The following IL26 variants were observed in gnomAD, a reference collection of about 807,000 sequenced individuals.
The protein encoded by IL26 is interleukin-26.
Under a neutral mutation model 21.7 loss-of-function variants are expected in IL26, and 23 were observed. The observed-to-expected ratio is 1.06, with a 90% CI of 0.76 to 1.50. The LOEUF (loss-of-function observed/expected upper bound fraction) is 1.50. Among genes scored for constraint, IL26 ranks in the 40% most tolerant of loss-of-function variants. The pLI is 0.00. For synonymous variants in IL26, 63 were observed against 67.8 expected, an observed-to-expected ratio of 0.93 and a Z score of 0.34; for missense variants, 204 against 196.0, an observed-to-expected ratio of 1.04 and a Z score of -0.24.
In IL26 at chr12:68,225,241, C is replaced by T. The variant is rs1256775753; in HGVS notation, c.271G>A (p.Glu91Lys). 1.2e-6 allele frequency: 2 copies of T among 1,613,620 alleles called. No homozygotes were observed. The highest frequency in any genetic ancestry group is 1.7e-6 in the Non-Finnish European group (2 of 1,179,810). Residue 91 changes from glutamate (E) to lysine (K), a missense_variant, in exon 3 of 5, where the codon GAA (glutamate) becomes AAA (lysine). By Grantham distance (56) the Glu-to-Lys change is moderately conservative (BLOSUM62 1). Coordinates refer to ENST00000229134, the MANE Select transcript of IL26 (RefSeq NM_018402.2). ...AATTGCAGTTGACCAAAAACGTCTT[C>T]CATGAAGAAGGACAGAAGCTGTTCT... Reference protein sequence around the residue: ...FQEQLLSFFMEDVFGQLQLQG... With the variant: ...FQEQLLSFFMKDVFGQLQLQG...
chr12:68,211,986 T>G (rs1233044995), intron 3 of IL26, among the ~76,000 whole-genome samples: 2 of 152,180 alleles, frequency 1.3e-5, no homozygotes, highest in Non-Finnish European at 2.9e-5. Flanking sequence ...TTCCTCAAGT[T>G]TTCTTCCAAT....
At chr12:68,216,637 T>C (rs1868892656) in intron 3 of IL26, among the ~76,000 whole-genome samples, 1 of 152,240 alleles carries the variant, frequency 6.6e-6, no homozygotes, top group Admixed American at 6.5e-5. Flanking sequence ...ATTTTTACAA[T>C]TTTAAATTAC....
Position 68,225,762 on chromosome 12 carries a change from TTCACCCCAC to T in IL26, c.-15_-7del. 1 of 1,613,414 alleles carries T rather than the reference TTCACCCCAC, an allele frequency of 6.2e-7. No homozygotes were observed. The highest frequency in any genetic ancestry group is 8.5e-7 in the Non-Finnish European group (1 of 1,179,562). ...AAAATGAAATTCACCAGCATTTCCC[TTCACCCCAC>T]TCAGCGTGTGTCACTCACAGCAGCC... On this transcript the variant is annotated 5_prime_UTR_variant, in exon 1 of 5. Coordinates refer to ENST00000229134, the MANE Select transcript of IL26 (RefSeq NM_018402.2).
At position 68,201,600 on chromosome 12, in the gene IL26, T is replaced by C. The variant is rs1372962159; in HGVS notation, c.*245A>G. On this transcript the variant is annotated 3_prime_UTR_variant, in exon 5 of 5. Coordinates refer to ENST00000229134, the MANE Select transcript of IL26 (RefSeq NM_018402.2). ...TTTAAATTAAGTTGACACAATGTAC[T>C]TGTGAATGACAAAACATGTTCAGAA... 2 of 357,882 alleles carry C rather than the reference T, an allele frequency of 5.6e-6. No homozygotes were observed. The highest frequency in any genetic ancestry group is 4.2e-5 in the African/African-American group (2 of 47,146). The allele number at this position is 357,882 out of a possible 1,614,324, so 22.2% of individuals were successfully genotyped here.
chr12:68,223,573 G>A (rs1189951622), intron 3 of IL26, among the ~76,000 whole-genome samples: 3 of 152,166 alleles, frequency 2.0e-5, no homozygotes, highest in Admixed American at 6.5e-5. Context: ...GTTCTGACCA[G>A]ACACTCTGTA....
chr12:68,224,266 C>T, intron 3 of IL26, among the ~76,000 whole-genome samples: 1 of 151,600 alleles, frequency 6.6e-6, no homozygotes, highest in Non-Finnish European at 1.5e-5. Flanking sequence ...ACTAACATTG[C>T]ACAGATTCTG....
intron 3 of IL26, among the ~76,000 whole-genome samples, chr12:68,210,881 T>C (rs1186472611): frequency 6.6e-6 from 1 of 152,216 alleles, no homozygotes; most frequent in East Asian, 1.9e-4. Context: ...TCAGAATTAG[T>C]TCACACAATT....
intron 3 of IL26, among the ~76,000 whole-genome samples, chr12:68,215,418 T>C (rs1273407438): frequency 6.6e-6 from 1 of 152,186 alleles, no homozygotes; most frequent in East Asian, 1.9e-4. Flanking sequence ...GGAACTGTCT[T>C]ATCCTCATAT....
chr12:68,202,496 T>C (rs1354706998), intron 3 of IL26, among the ~76,000 whole-genome samples: 1 of 152,172 alleles, frequency 6.6e-6, no homozygotes, highest in Admixed American at 6.5e-5. Flanking sequence ...CAGTTCTGCA[T>C]GGCTAGAGAG....
intron 3 of IL26, among the ~76,000 whole-genome samples, chr12:68,208,102 C>T (rs1868595019): frequency 6.6e-6 from 1 of 152,120 alleles, no homozygotes; most frequent in Admixed American, 6.5e-5. Context: ...CTTGAGGCCT[C>T]ACAGTCTGCC....
intron 3 of IL26, among the ~76,000 whole-genome samples, chr12:68,215,853 T>C (rs1868860667): frequency 6.6e-6 from 1 of 151,754 alleles, no homozygotes; most frequent in African/African-American, 2.4e-5. Context: ...TTTATTTTTA[T>C]TTTTGTTTTT....
intron 3 of IL26, among the ~76,000 whole-genome samples, chr12:68,205,595 G>A (rs1162123321): frequency 6.6e-6 from 1 of 152,176 alleles, no homozygotes; most frequent in Non-Finnish European, 1.5e-5. Flanking sequence ...AGGAAGTGGA[G>A]GAGTTGGTCT....
intron 3 of IL26, among the ~76,000 whole-genome samples, chr12:68,210,497 T>C (rs1329536586): frequency 1.3e-5 from 2 of 151,932 alleles, no homozygotes; most frequent in African/African-American, 4.8e-5. Context: ...TGATTAGATT[T>C]ACAAGCAAGT....
At chr12:68,225,414 T>C (rs1170423395) in intron 2 of IL26, 30 bp downstream of exon 2, 30 of 1,540,698 alleles carry the variant, frequency 1.9e-5, no homozygotes, top group Non-Finnish European at 2.7e-5. Flanking sequence ...TAAGTGGAAA[T>C]GTAAAAAAGA....
chr12:68,213,785 A>C (rs1868799115), intron 3 of IL26, among the ~76,000 whole-genome samples: 1 of 151,612 alleles, frequency 6.6e-6, no homozygotes, highest in Non-Finnish European at 1.5e-5. Context: ...CTAAATGTCC[A>C]CTGTTTATCT....
intron 3 of IL26, among the ~76,000 whole-genome samples, chr12:68,211,422 C>CAA (rs1480546197): frequency 3.3e-5 from 5 of 152,056 alleles, no homozygotes; most frequent in Non-Finnish European, 5.9e-5. Flanking sequence ...GATATATATC[C>CAA]AGTAGTGAGA....
chr12:68,220,387 T>C (rs904320609), intron 3 of IL26, among the ~76,000 whole-genome samples: 1 of 152,132 alleles, frequency 6.6e-6, no homozygotes, highest in African/African-American at 2.4e-5. Flanking sequence ...GCAAGATTGG[T>C]TTAACTTTGA....
chr12:68,215,042 A>C (rs1447742853), intron 3 of IL26, among the ~76,000 whole-genome samples: 2 of 152,176 alleles, frequency 1.3e-5, no homozygotes, highest in East Asian at 3.9e-4. Flanking sequence ...GAGGCTTACA[A>C]AAAAACCTCT....
At chr12:68,219,365 C>A (rs1262259780) in intron 3 of IL26, among the ~76,000 whole-genome samples, 1 of 151,728 alleles carries the variant, frequency 6.6e-6, no homozygotes, top group Non-Finnish European at 1.5e-5. Context: ...AATTAGAAAT[C>A]AAAATTAGAA....
Sources: allele counts gnomAD v4.1 joint callset (sites outside exome capture counted in the v4.1 genomes callset), GRCh38; gene constraint gnomAD v4.1.1; transcripts MANE v1.5; gene names NCBI Gene and HGNC (gene_info 2026-07-23, HGNC 2026-07-21).